SYTL2: variants seen among roughly 807,000 people sequenced by gnomAD.
SYTL2 encodes synaptotagmin-like protein 2.
SYTL2 carries 165 observed loss-of-function variants against 198.7 expected under a neutral mutation model. The observed-to-expected ratio is 0.83, with a 90% CI of 0.73 to 0.94. SYTL2 has a LOEUF of 0.94. Among genes scored for constraint, SYTL2 ranks in the 40% least tolerant of loss-of-function variants. The pLI is 0.00. For missense variants in SYTL2, 2,835 were observed against 2,582.8 expected (o/e 1.10, Z -2.12); for synonymous variants, 966 against 917.7 (o/e 1.05, Z -0.95).
intron 9 of SYTL2, 146 bp downstream of exon 9, chr11:85,720,712 C>A: frequency 1.9e-6 from 1 of 529,602 alleles, no homozygotes; most frequent in Non-Finnish European, 3.4e-6. Context: ...GCCTCTTCAG[C>A]GCACTTTGGA....
At chr11:85,792,588 C>G (rs1404975672) in intron 1 of SYTL2, among the ~76,000 whole-genome samples, 1 of 151,282 alleles carries the variant, frequency 6.6e-6, no homozygotes, top group Non-Finnish European at 1.5e-5. Context: ...TAATAAATAC[C>G]ACCCCCACCT....
chr11:85,767,758 T>C (rs1278936239), intron 1 of SYTL2, among the ~76,000 whole-genome samples: 1 of 152,148 alleles, frequency 6.6e-6, no homozygotes, highest in Admixed American at 6.5e-5. Context: ...CCCCCAACAA[T>C]TCTGATTTAA....
In SYTL2 at chr11:85,734,209, C is replaced by T. The variant is rs2090118623; in HGVS notation, c.1120G>A (p.Asp374Asn). ...RLKNGMEDAGDTEEFQSDPKP... is the reference protein window; with the variant it reads ...RLKNGMEDAGNTEEFQSDPKP... ...GGGTCACTCTGAAACTCTTCTGTGT[C>T]CCCTGCATCTTCCATTCCATTTTTC... The change falls in exon 7 of 20, where the codon GAC becomes AAC. Residue 374 changes from aspartate (D) to asparagine (N), a missense_variant. By Grantham distance (23) the Asp-to-Asn change is conservative. Coordinates refer to ENST00000359152, the MANE Select transcript of SYTL2 (RefSeq NM_206927.4). The T allele has an allele frequency of 3.7e-6, 6 of 1,614,062 alleles. 1 individual carries two copies. The Admixed American group carries it at 8.3e-5, about 22-fold the overall frequency.
chr11:85,819,729 T>G, the SYTL2 span, among the ~76,000 whole-genome samples: 18 of 152,314 alleles, frequency 1.2e-4, no homozygotes, highest in Non-Finnish European at 2.1e-4. Flanking sequence ...TGCCACAACT[T>G]CCATTCAACT....
intron 1 of SYTL2, among the ~76,000 whole-genome samples, chr11:85,780,643 A>G (rs1161336487): frequency 1.3e-5 from 2 of 152,228 alleles, no homozygotes; most frequent in African/African-American, 2.4e-5. Flanking sequence ...ACTTTGCCCT[A>G]TGCATTTCTT....
intron 2 of SYTL2, among the ~76,000 whole-genome samples, chr11:85,754,955 C>G (rs11822544): frequency 0.057 from 8,690 of 152,176 alleles, 788 homozygotes; most frequent in African/African-American, 0.19. Flanking sequence ...ATGTGTGGCC[C>G]TGGGCAAGTC....
At chr11:85,846,113 G>A in the SYTL2 span, among the ~76,000 whole-genome samples, 1 of 152,236 alleles carries the variant, frequency 6.6e-6, no homozygotes, top group East Asian at 1.9e-4. Flanking sequence ...GCACTTTGTG[G>A]GTTATAAGGT....
chr11:85,833,002 AAAAGAAAG>A, the SYTL2 span, among the ~76,000 whole-genome samples: 2 of 91,824 alleles, frequency 2.2e-5, no homozygotes, highest in South Asian at 3.3e-4. Context: ...TCTCAAAAAA[AAAAGAAAG>A]AAAAGAAAGA....
intron 1 of SYTL2, among the ~76,000 whole-genome samples, chr11:85,795,836 C>A (rs573825437): frequency 6.6e-6 from 1 of 152,078 alleles, no homozygotes; most frequent in South Asian, 2.1e-4. Flanking sequence ...CTCCCCTTCC[C>A]TCATATCTAC....
chr11:85,772,992 G>A (rs186010549), intron 1 of SYTL2, among the ~76,000 whole-genome samples: 128 of 152,310 alleles, frequency 8.4e-4, no homozygotes, highest in African/African-American at 2.9e-3. Flanking sequence ...ATGTTCCTAT[G>A]AGAATCTGCC....
At chr11:85,852,632 TC>T in the SYTL2 span, 2 of 182,148 alleles carry the variant, frequency 1.1e-5, no homozygotes, top group Non-Finnish European at 2.2e-5. Flanking sequence ...AGCCTCGGCC[TC>T]CCGAGGTGCC....
intron 10 of SYTL2, 139 bp downstream of exon 10, chr11:85,718,651 T>C (rs2087759125): frequency 4.3e-6 from 3 of 691,270 alleles, no homozygotes; most frequent in Non-Finnish European, 7.4e-6. Context: ...AGAACTGTTT[T>C]ATAGTAACTT....
intron 1 of SYTL2, among the ~76,000 whole-genome samples, chr11:85,789,656 T>A (rs1361351699): frequency 6.6e-6 from 1 of 151,936 alleles, no homozygotes; most frequent in Non-Finnish European, 1.5e-5. Flanking sequence ...CTTCAAAGAA[T>A]CATCTCAATC....
At chr11:85,753,204 T>C (rs1464324530) in intron 2 of SYTL2, among the ~76,000 whole-genome samples, 1 of 152,072 alleles carries the variant, frequency 6.6e-6, no homozygotes, top group Non-Finnish European at 1.5e-5. Flanking sequence ...CATATGTGTA[T>C]GTATGGTTAT....
At chr11:85,752,315 C>A (rs1641001252) in intron 2 of SYTL2, among the ~76,000 whole-genome samples, 2 of 152,064 alleles carry the variant, frequency 1.3e-5, no homozygotes, top group African/African-American at 4.8e-5. Context: ...CTGAAAGGTA[C>A]CTTAGATAGT....
At chr11:85,807,960 GTGTGTGT>G (rs1242547544) in intron 1 of SYTL2, among the ~76,000 whole-genome samples, 7 of 152,178 alleles carry the variant, frequency 4.6e-5, no homozygotes, top group African/African-American at 1.7e-4. Context: ...CTGTATTTGT[GTGTGTGT>G]TTTTAAAATT....
chr11:85,835,432 G>T, the SYTL2 span, among the ~76,000 whole-genome samples: 3 of 152,308 alleles, frequency 2.0e-5, no homozygotes, highest in South Asian at 6.2e-4. Flanking sequence ...ATATTATGCA[G>T]TGTTGAGCCA....
chr11:85,725,700 C>T lies in SYTL2; in HGVS notation c.3658G>A (p.Ala1220Thr). The change falls in exon 8 of 20, where the codon GCA becomes ACA. Residue 1220 changes from alanine (A) to threonine (T), a missense_variant. Around this residue, in one of 3 missense-constraint regions of SYTL2, gnomAD observed 2,645 missense variants for 2,381.7 expected, o/e 1.11. Transcript: ENST00000359152. ...AAGGGAGAGGGTGAAGTTCCAGTTG[C>T]TTCCTTCAGGAGTTTGTCTAGACTA... ...TASLDKLLKEATGTSPSPLQA... is the reference protein window; with the variant it reads ...TASLDKLLKETTGTSPSPLQA... The T allele has an allele frequency of 6.2e-7, 1 of 1,613,992 alleles. No individual in the cohort carries two copies. Among genetic ancestry groups the T allele is most frequent in the South Asian group, 1.1e-5 (1 of 91,052 alleles).
Position 85,727,238 on chromosome 11 carries a change from C to T in SYTL2, c.2120G>A (p.Arg707Lys). Residue 707 changes from arginine (R) to lysine (K), a missense_variant, in exon 8 of 20, where the codon AGA becomes AAA. Physicochemically the swap from Arg to Lys is conservative, Grantham distance 26 (BLOSUM62 2). Coordinates refer to ENST00000359152, the MANE Select transcript of SYTL2 (RefSeq NM_206927.4). Reference protein sequence around the residue: ...EPKFHAHEENRGHSEVNFDSS... With the variant: ...EPKFHAHEENKGHSEVNFDSS... Reference sequence around the variant, plus strand: ...GTCAAAATTCACTTCTGAGTGTCCTCTATTTTCTTCATGAGCATGAAACTT... The same window carrying T: ...GTCAAAATTCACTTCTGAGTGTCCTTTATTTTCTTCATGAGCATGAAACTT... 1.3e-6 allele frequency: 2 copies of T among 1,535,896 alleles called. No individual in the cohort carries two copies. The highest frequency in any genetic ancestry group is 2.4e-5 in the South Asian group (2 of 83,926).
Sources: gnomAD v4.1 joint callset for allele counts (sites outside exome capture counted in the v4.1 genomes callset) on GRCh38, gnomAD v4.1.1 for gene constraint, gnomAD v4.1.1 regional missense constraint, MANE v1.5 for transcripts, NCBI Gene and HGNC (gene_info 2026-07-23, HGNC 2026-07-21) for gene names.